The following ECI2 variants were observed in gnomAD, a reference collection of about 807,000 sequenced individuals.
ECI2 encodes the protein enoyl-CoA delta isomerase 2.
A neutral mutation model predicts 38.4 loss-of-function variants in ECI2; 27 were observed. The ratio of observed to expected loss-of-function variants is 0.70; its 90% CI spans 0.52 to 0.97. ECI2 has a LOEUF of 0.97. Ranked by LOEUF, ECI2 falls within the 50% of genes least tolerant of loss-of-function variation. The pLI is 0.00. For missense variants in ECI2, 470 were observed against 474.4 expected, an observed-to-expected ratio of 0.99 and a Z score of 0.09; for synonymous variants, 168 against 172.0, an observed-to-expected ratio of 0.98 and a Z score of 0.18.
chr6:4,118,441 A>G (rs981076498), intron 8 of ECI2: 4 of 152,260 alleles, frequency 2.6e-5, no homozygotes, highest in Non-Finnish European at 5.9e-5. Flanking sequence ...AAACATACAT[A>G]TATAAGTTTT....
rs984505995 is a variant in ECI2, at chr6:4,126,026, T to G, written c.674+109A>C. 3 of 855,058 alleles carry G rather than the reference T, an allele frequency of 3.5e-6. No individual in the cohort carries two copies. The African/African-American group carries it at 5.1e-5, about 14-fold the overall frequency. The allele number at this position is 855,058 out of a possible 1,614,324, so 53.0% of individuals were successfully genotyped here. A position where few individuals can be genotyped will look rare whatever the true frequency, so the allele number is the denominator to read the frequency against. ...AAATATGCTTGTCCAAAGTCACAAT[T>G]AACTGCACTGACACAGAGAAGCAGA... On this transcript the variant is annotated intron_variant, in intron 6 of 9. Coordinates refer to ENST00000380118, the MANE Select transcript of ECI2 (RefSeq NM_206836.3).
chr6:4,116,513 T>G (rs1772284354), intron 9 of ECI2, among the ~76,000 whole-genome samples: 1 of 150,682 alleles, frequency 6.6e-6, no homozygotes, highest in Non-Finnish European at 1.5e-5. Context: ...CAATCTTGGC[T>G]CATTGCAACC....
chr6:4,117,585 A>T, intron 8 of ECI2, 134 bp from the exon 9 acceptor site: 1 of 1,260,642 alleles, frequency 7.9e-7, no homozygotes, highest in Non-Finnish European at 1.1e-6. Flanking sequence ...GTAAGGGAGA[A>T]GCTGATGACC....
intron 7 of ECI2, among the ~76,000 whole-genome samples, chr6:4,122,826 A>G (rs1053820270): frequency 1.3e-5 from 2 of 152,222 alleles, no homozygotes; most frequent in African/African-American, 4.8e-5. Flanking sequence ...TACTCTGTAC[A>G]TTACGTGAAT....
intron 1 of ECI2, chr6:4,135,149 AGCAGCCCGGCTGGGAAGT>A: frequency 1.8e-6 from 1 of 550,956 alleles, no homozygotes; most frequent in South Asian, 1.5e-5. Flanking sequence ...GCACCCCAGA[AGCAGCCCGGCTGGGAAGT>A]GCAGGCCCGG....
At chr6:4,116,996 C>G (rs1772322383) in intron 9 of ECI2, among the ~76,000 whole-genome samples, 1 of 152,192 alleles carries the variant, frequency 6.6e-6, no homozygotes, top group South Asian at 2.1e-4. Flanking sequence ...AGTAGCTAAT[C>G]CATGCTTCTC....
intron 6 of ECI2, chr6:4,125,785 G>A (rs779726041): frequency 1.4e-5 from 6 of 424,088 alleles, no homozygotes; most frequent in Admixed American, 3.7e-5. Flanking sequence ...AGACTCCTCC[G>A]AGTCTCCTAC....
intron 4 of ECI2, among the ~76,000 whole-genome samples, chr6:4,129,004 G>A (rs1773353332): frequency 6.6e-6 from 1 of 152,138 alleles, no homozygotes; most frequent in Admixed American, 6.5e-5. Context: ...AGGGCGACTG[G>A]TGAGACCAGG....
At chr6:4,124,172 G>T (rs1443508905) in intron 7 of ECI2, among the ~76,000 whole-genome samples, 2 of 152,164 alleles carry the variant, frequency 1.3e-5, no homozygotes, top group Non-Finnish European at 2.9e-5. Context: ...CAAAGACATT[G>T]ATTTCTGCCT....
At chr6:4,125,537 G>T in intron 6 of ECI2, 167 bp from the exon 7 acceptor site, 1 of 954,070 alleles carries the variant, frequency 1.0e-6, no homozygotes, top group African/African-American at 1.6e-5. Context: ...TTCCGCACCA[G>T]ATTCATCCAG....
At chr6:4,131,978 G>A (rs1490088286) in intron 2 of ECI2, among the ~76,000 whole-genome samples, 1 of 152,048 alleles carries the variant, frequency 6.6e-6, no homozygotes, top group Non-Finnish European at 1.5e-5. Flanking sequence ...GAAGTTAGAG[G>A]GAACACAGTC....
intron 8 of ECI2, 74 bp from the exon 9 acceptor site, chr6:4,117,525 A>C (rs1346989191): frequency 6.4e-7 from 1 of 1,551,002 alleles, no homozygotes. Flanking sequence ...TGCTTTCAGG[A>C]GGCTTAGAGA....
chr6:4,131,810 T>C (rs768856880), intron 2 of ECI2, among the ~76,000 whole-genome samples: 12 of 152,094 alleles, frequency 7.9e-5, no homozygotes, highest in Non-Finnish European at 1.8e-4. Flanking sequence ...TGAGCTGAGA[T>C]GGTGCCGCTG....
chr6:4,129,792 C>T (rs1773407011), intron 4 of ECI2, among the ~76,000 whole-genome samples: 1 of 151,998 alleles, frequency 6.6e-6, no homozygotes, highest in African/African-American at 2.4e-5. Context: ...AGTTGAGCAC[C>T]AAGCATCCAA....
At chr6:4,130,194 T>G (rs1773428852) in intron 4 of ECI2, 178 bp downstream of exon 4, 2 of 1,613,840 alleles carry the variant, frequency 1.2e-6, no homozygotes, top group Non-Finnish European at 1.7e-6. Context: ...ATTCACAAAC[T>G]CTAAACAATG....
chr6:4,125,903 G>A (rs1773121291), intron 6 of ECI2: 1 of 641,728 alleles, frequency 1.6e-6, no homozygotes, highest in Non-Finnish European at 2.9e-6. Flanking sequence ...TCACTTTTAT[G>A]TTTTCCAGTC....
At chr6:4,133,765 C>A (rs1773603982) in intron 1 of ECI2, 54 bp from the exon 2 acceptor site, 3 of 1,532,296 alleles carry the variant, frequency 2.0e-6, no homozygotes, top group African/African-American at 1.4e-5. Flanking sequence ...ATTTCTGCAG[C>A]CTGATTTCTA....
intron 5 of ECI2, among the ~76,000 whole-genome samples, chr6:4,127,484 G>A (rs1773246406): frequency 7.2e-6 from 1 of 139,520 alleles, no homozygotes; most frequent in Admixed American, 7.6e-5. Context: ...GCGCGACCTC[G>A]GGTCACTGCA....
At chr6:4,120,524 C>G (rs1772654695) in intron 7 of ECI2, among the ~76,000 whole-genome samples, 1 of 152,154 alleles carries the variant, frequency 6.6e-6, no homozygotes, top group African/African-American at 2.4e-5. Flanking sequence ...GTCAGCAGTT[C>G]GAGACCAGCC....
Sources: allele counts gnomAD v4.1 joint callset (sites outside exome capture counted in the v4.1 genomes callset), GRCh38; gene constraint gnomAD v4.1.1; transcripts MANE v1.5; gene names NCBI Gene and HGNC (gene_info 2026-07-23, HGNC 2026-07-21).